MCCC2: variants seen among roughly 807,000 people sequenced by gnomAD.
MCCC2 encodes methylcrotonyl-CoA carboxylase subunit 2.
MCCC2 carries 52 observed loss-of-function variants against 77.2 expected under a neutral mutation model. The ratio of observed to expected loss-of-function variants is 0.67; its 90% CI spans 0.54 to 0.85. The LOEUF (loss-of-function observed/expected upper bound fraction) is 0.85, where lower values mean the gene tolerates loss of function less well. MCCC2 is among the 40% of genes least tolerant of loss of function. The pLI, the probability that MCCC2 is intolerant of heterozygous loss-of-function variation, is 0.00. For synonymous variants in MCCC2, 253 were observed against 248.4 expected (o/e 1.02, Z -0.18); for missense variants, 682 against 703.2 (o/e 0.97, Z 0.34).
At chr5:71,628,075 C>T (rs1365072171) in intron 7 of MCCC2, among the ~76,000 whole-genome samples, 1 of 152,070 alleles carries the variant, frequency 6.6e-6, no homozygotes, top group Non-Finnish European at 1.5e-5. Context: ...AACTCCTGAC[C>T]TCAGGTGGTA....
At chr5:71,638,887 G>A (rs1223440876) in intron 10 of MCCC2, among the ~76,000 whole-genome samples, 1 of 152,218 alleles carries the variant, frequency 6.6e-6, no homozygotes, top group African/African-American at 2.4e-5. Context: ...GTGGGCTACA[G>A]AGTGGATGTT....
chr5:71,649,779 C>G (rs1174823751), intron 14 of MCCC2, among the ~76,000 whole-genome samples: 1 of 152,136 alleles, frequency 6.6e-6, no homozygotes, highest in Non-Finnish European at 1.5e-5. Flanking sequence ...CATATAACCA[C>G]TATCAGGAAT....
chr5:71,621,519 G>A (rs574250614), intron 6 of MCCC2, among the ~76,000 whole-genome samples: 3 of 152,098 alleles, frequency 2.0e-5, no homozygotes, highest in African/African-American at 4.8e-5. Flanking sequence ...TCTTGAGCCC[G>A]GGAAGTCAAG....
intron 6 of MCCC2, among the ~76,000 whole-genome samples, chr5:71,614,824 T>C (rs1746107895): frequency 6.6e-6 from 1 of 152,114 alleles, no homozygotes; most frequent in African/African-American, 2.4e-5. Flanking sequence ...TTTTATCTGC[T>C]TATTTTTCTT....
At position 71,651,461 on chromosome 5, in the gene MCCC2, T is replaced by G. The variant is rs909920298; in HGVS notation, c.1489-1208T>G. Among the ~76,000 whole-genome samples, 11 of 152,336 alleles carry G rather than the reference T, an allele frequency of 7.2e-5. No individual in the cohort carries two copies. The South Asian group carries it at 2.3e-3, about 32-fold the overall frequency. On this transcript the variant is annotated intron_variant, in intron 15 of 16. Coordinates refer to ENST00000340941, the MANE Select transcript of MCCC2 (RefSeq NM_022132.5). ...TTAGTTACAACTTTTAACTCCTGTG[T>G]AAGCACCAAGTATGAAGATGATGGT...
intron 4 of MCCC2, among the ~76,000 whole-genome samples, chr5:71,600,733 T>C (rs898786646): frequency 2.6e-5 from 4 of 152,242 alleles, no homozygotes; most frequent in African/African-American, 9.6e-5. Flanking sequence ...TCTTATCTGG[T>C]GAGTCTGGGC....
At position 71,652,755 on chromosome 5, in the gene MCCC2, G is replaced by A. The variant is rs730880265; in HGVS notation, c.1574+1G>A. On this transcript the variant is annotated splice_donor_variant, in intron 16 of 16. Transcript: ENST00000340941. LOFTEE classifies it high-confidence loss of function. ...GAAACCCTTACTATTCCAGCGCAAG[G>A]TGGGGGCCAGAACATCACTAACTCT... 16 of 1,613,810 alleles carry A rather than the reference G, an allele frequency of 9.9e-6. No individual in the cohort carries two copies. The highest frequency in any genetic ancestry group is 1.4e-5 in the Non-Finnish European group (16 of 1,179,722).
chr5:71,630,058 A>G (rs574573270), intron 7 of MCCC2, among the ~76,000 whole-genome samples: 1 of 152,210 alleles, frequency 6.6e-6, no homozygotes. Context: ...TAAAGAAGCC[A>G]CTTGGCAGCC....
intron 7 of MCCC2, among the ~76,000 whole-genome samples, chr5:71,630,095 A>G (rs1053975480): frequency 3.3e-5 from 5 of 152,202 alleles, no homozygotes; most frequent in African/African-American, 1.2e-4. Context: ...CTGTTGGAGA[A>G]CTGGACCCCA....
rs34050987 is a variant in MCCC2 at position 71,614,484 on chromosome 5, C to CTTTT, written c.624+10028_624+10031dup. On this transcript the variant is annotated intron_variant, in intron 6 of 16. Coordinates refer to ENST00000340941, the MANE Select transcript of MCCC2 (RefSeq NM_022132.5). ...AGTGAGACCCCATCTCTCTCTCTCT[C>CTTTT]TTTTTTTTTTTTTTTGAGATGGAGT... 3.6e-4 allele frequency among the ~76,000 whole-genome samples: 50 copies of CTTTT among 139,182 alleles called. No individual in the cohort carries two copies. In the East Asian group the frequency reaches 5.0e-3, roughly 14 times the overall value. 91.3% of individuals were successfully genotyped at this position (139,182 alleles called of 152,430 possible). A position where few individuals can be genotyped will look rare whatever the true frequency, so the allele number is the denominator to read the frequency against.
intron 6 of MCCC2, among the ~76,000 whole-genome samples, chr5:71,616,160 G>T (rs183654334): frequency 6.6e-6 from 1 of 152,304 alleles, no homozygotes; most frequent in Admixed American, 6.5e-5. Flanking sequence ...TTGCAGACTC[G>T]CCTTATGTAT....
In MCCC2 at chr5:71,626,733, T is replaced by G. The variant is rs567984879; in HGVS notation, c.718T>G (p.Phe240Val). The G allele has an allele frequency of 6.2e-7, 1 of 1,614,202 alleles. No individual in the cohort carries two copies. The highest frequency in any genetic ancestry group is 1.3e-5 in the African/African-American group (1 of 75,056). The change falls in exon 7 of 17, where the codon TTC (phenylalanine) becomes GTC (valine). Residue 240 changes from phenylalanine to valine, a missense_variant. Transcript: ENST00000340941. ...NIIVRKQGTI[F>V]LAGPPLVKAA... ...CATTGTACGCAAGCAGGGTACCATTTTCTTGGCAGGACCCCCCTTGGTAAG... is the reference window on the plus strand; with the variant it reads ...CATTGTACGCAAGCAGGGTACCATTGTCTTGGCAGGACCCCCCTTGGTAAG...
At chr5:71,615,122 A>G (rs1377282790) in intron 6 of MCCC2, among the ~76,000 whole-genome samples, 3 of 152,084 alleles carry the variant, frequency 2.0e-5, no homozygotes, top group Admixed American at 6.5e-5. Context: ...ATGCACCACC[A>G]TGCCTGACTA....
chr5:71,587,617 G>A (rs1744815965), intron 1 of MCCC2, 63 bp downstream of exon 1: 4 of 1,520,280 alleles, frequency 2.6e-6, no homozygotes, highest in Non-Finnish European at 3.5e-6. Context: ...TGGAGGAGGG[G>A]CACGCTTCAA....
rs200248958 is a variant in MCCC2 at position 71,620,392 on chromosome 5, AT to A, written c.625-6243del. Among the ~76,000 whole-genome samples, 681 of 152,262 alleles carry A rather than the reference AT, an allele frequency of 4.5e-3. 5 individuals are homozygous for A. The highest frequency in any genetic ancestry group is 0.014 in the African/African-American group (594 of 41,552). On this transcript the variant is annotated intron_variant, in intron 6 of 16. Coordinates refer to ENST00000340941, the MANE Select transcript of MCCC2 (RefSeq NM_022132.5). The stretch of plus-strand genomic sequence containing the variant: ...GGTGACAGATTTAAAAAATTATTAT[AT>A]TTTTAATGGCTTTTCTATCAAGCAG...
At chr5:71,594,849 C>G (rs1368288360) in intron 2 of MCCC2, among the ~76,000 whole-genome samples, 2 of 151,928 alleles carry the variant, frequency 1.3e-5, no homozygotes, top group African/African-American at 2.4e-5. Context: ...ATTGTAAGGC[C>G]CCACTCTAGA....
At chr5:71,653,018 G>C (rs1310370195) in intron 16 of MCCC2, among the ~76,000 whole-genome samples, 1 of 152,190 alleles carries the variant, frequency 6.6e-6, no homozygotes, top group Non-Finnish European at 1.5e-5. Context: ...CCTAGTTGAG[G>C]TGTCTGGGGC....
intron 16 of MCCC2, among the ~76,000 whole-genome samples, chr5:71,653,319 C>A (rs913415357): frequency 1.3e-5 from 2 of 151,312 alleles, no homozygotes; most frequent in Non-Finnish European, 3.0e-5. Context: ...TCTTACACCA[C>A]TTAATGAGGT....
At chr5:71,620,665 A>C (rs917269794) in intron 6 of MCCC2, among the ~76,000 whole-genome samples, 2 of 152,200 alleles carry the variant, frequency 1.3e-5, no homozygotes, top group African/African-American at 4.8e-5. Flanking sequence ...CAAGACCTAG[A>C]GGGTAATGAA....
Sources: allele counts gnomAD v4.1 joint callset (sites outside exome capture counted in the v4.1 genomes callset), GRCh38; gene constraint gnomAD v4.1.1; transcripts MANE v1.5; gene names NCBI Gene and HGNC (gene_info 2026-07-23, HGNC 2026-07-21).